The following TRPC7 variants were observed in gnomAD, a reference collection of about 807,000 sequenced individuals.
TRPC7 encodes the protein short transient receptor potential channel 7.
A neutral mutation model predicts 90.1 loss-of-function variants in TRPC7; 42 were observed. The ratio of observed to expected loss-of-function variants is 0.47; its 90% CI spans 0.36 to 0.60. The LOEUF (loss-of-function observed/expected upper bound fraction) is 0.60. Among genes scored for constraint, TRPC7 ranks in the 20% least tolerant of loss-of-function variants. The pLI is 0.00. For missense variants in TRPC7, 955 were observed against 1,112.3 expected (o/e 0.86, Z 2.01); for synonymous variants, 451 against 436.3 (o/e 1.03, Z -0.42).
chr5:136,321,757 A>G (rs936687835), intron 2 of TRPC7, among the ~76,000 whole-genome samples: 4 of 152,182 alleles, frequency 2.6e-5, no homozygotes, highest in Admixed American at 6.5e-5. Flanking sequence ...TGCACTCCAG[A>G]TAAAATCTGT....
At chr5:136,220,802 CT>C (rs1303972488) in intron 10 of TRPC7, among the ~76,000 whole-genome samples, 1 of 152,128 alleles carries the variant, frequency 6.6e-6, no homozygotes, top group Non-Finnish European at 1.5e-5. Flanking sequence ...CAATAGAAAC[CT>C]GCTGGTTTTG....
At position 136,266,889 on chromosome 5, in the gene TRPC7, C is replaced by T. The variant is rs567148988; in HGVS notation, c.1129-453G>A. Among the ~76,000 whole-genome samples, 5 of 152,306 alleles carry T rather than the reference C, an allele frequency of 3.3e-5. No individual in the cohort carries two copies. In the South Asian group the frequency reaches 8.3e-4, roughly 25 times the overall value. ...GTTGATACATTTATTTAAAGCTATA[C>T]ATTTCTCACTAGGTACTGCTTTAGC... On this transcript the variant is annotated intron_variant, in intron 4 of 11. Transcript: ENST00000513104.
intron 1 of TRPC7, among the ~76,000 whole-genome samples, chr5:136,362,807 C>G (rs748367229): frequency 2.6e-5 from 4 of 151,876 alleles, no homozygotes; most frequent in Non-Finnish European, 4.4e-5. Flanking sequence ...ATAACTTTTT[C>G]CATTAGAGTT....
chr5:136,213,495 C>T lies in TRPC7; in HGVS notation c.2529G>A (p.Glu843=), dbSNP rs1208259353. ...ELADLIQQLS[E]KFGKNLNKDH... is the part of the protein sequence containing the mutation. ...CTTTGTTTAAGTTCTTTCCAAACTT[C>T]TCGCTGAGTTGTTGAATCAGGTCTG... The change falls in exon 12 of 12, where the codon GAG becomes GAA. Residue 843 remains glutamate (E), a synonymous_variant. Coordinates refer to ENST00000513104, the MANE Select transcript of TRPC7 (RefSeq NM_020389.3). 2.5e-6 allele frequency: 4 copies of T among 1,614,056 alleles called. No homozygotes were observed. The highest frequency in any genetic ancestry group is 3.4e-6 in the Non-Finnish European group (4 of 1,179,900).
At chr5:136,276,290 A>G (rs1328873589) in intron 3 of TRPC7, among the ~76,000 whole-genome samples, 2 of 152,208 alleles carry the variant, frequency 1.3e-5, no homozygotes, top group Non-Finnish European at 2.9e-5. Context: ...CTTCCAGAGC[A>G]TGGCTGGACA....
At chr5:136,280,498 T>C (rs1040693792) in intron 3 of TRPC7, among the ~76,000 whole-genome samples, 5 of 152,196 alleles carry the variant, frequency 3.3e-5, no homozygotes, top group African/African-American at 1.2e-4. Context: ...TTCTCCATGA[T>C]TTTCTCATCA....
chr5:136,270,417 G>A (rs1012810667), intron 4 of TRPC7, among the ~76,000 whole-genome samples: 3 of 152,184 alleles, frequency 2.0e-5, no homozygotes, highest in Non-Finnish European at 4.4e-5. Context: ...TGGTGTATGG[G>A]AAGTACTCAA....
intron 4 of TRPC7, 45 bp downstream of exon 4, chr5:136,274,628 G>C: frequency 6.5e-7 from 1 of 1,533,826 alleles, no homozygotes; most frequent in Non-Finnish European, 8.8e-7. Context: ...GCTAAGAAGA[G>C]AGAAGAAATA....
At chr5:136,332,209 G>T (rs983300272) in intron 2 of TRPC7, among the ~76,000 whole-genome samples, 11 of 152,106 alleles carry the variant, frequency 7.2e-5, no homozygotes, top group Non-Finnish European at 1.5e-4. Context: ...AGAGTACAAA[G>T]CCAAGAGAAA....
chr5:136,216,182 G>A lies in TRPC7; in HGVS notation c.2419+18C>T, dbSNP rs766077083. 21 of 1,604,198 alleles carry A rather than the reference G, an allele frequency of 1.3e-5. No homozygotes were observed. The South Asian group carries it at 2.0e-4, about 15-fold the overall frequency. On this transcript the variant is annotated intron_variant, in intron 11 of 11. Coordinates refer to ENST00000513104, the MANE Select transcript of TRPC7 (RefSeq NM_020389.3). ...TGTTGTTTTAAATCACCACGTGGGT[G>A]GAAATCCAGTCATTTACCTTCATTG...
At chr5:136,239,596 G>T (rs1756092406) in intron 7 of TRPC7, among the ~76,000 whole-genome samples, 1 of 152,144 alleles carries the variant, frequency 6.6e-6, no homozygotes, top group Non-Finnish European at 1.5e-5. Context: ...TGAGTTTTAT[G>T]ACGTATTTCA....
chr5:136,280,746 A>C (rs1466396928), intron 3 of TRPC7, among the ~76,000 whole-genome samples: 1 of 152,248 alleles, frequency 6.6e-6, no homozygotes, highest in African/African-American at 2.4e-5. Context: ...ATGTAAACTG[A>C]CATCAATTCA....
chr5:136,300,949 A>C (rs1202042540), intron 3 of TRPC7, among the ~76,000 whole-genome samples: 1 of 152,250 alleles, frequency 6.6e-6, no homozygotes. Flanking sequence ...ATGTAGAATC[A>C]TTAAAGAGCC....
Position 136,291,733 on chromosome 5 carries a change from C to T in TRPC7, c.964-16896G>A, listed in dbSNP as rs574195195. Among the ~76,000 whole-genome samples the T allele has an allele frequency of 8.6e-4, 131 of 152,158 alleles. No homozygotes were observed. In the Middle Eastern group the frequency reaches 0.014, roughly 16 times the overall value. On this transcript the variant is annotated intron_variant, in intron 3 of 11. Coordinates refer to ENST00000513104, the MANE Select transcript of TRPC7 (RefSeq NM_020389.3). ...CCACTGTCAACATTAGACAGATCAA[C>T]GAGACAGAAAGTTAACAAGGATATC...
chr5:136,349,506 C>T (rs1225077389), intron 2 of TRPC7, among the ~76,000 whole-genome samples: 1 of 152,198 alleles, frequency 6.6e-6, no homozygotes, highest in Admixed American at 6.5e-5. Flanking sequence ...TTGTGTATAT[C>T]AGCTTCTCTG....
chr5:136,350,327 A>G (rs948355026), intron 2 of TRPC7, among the ~76,000 whole-genome samples: 2 of 152,198 alleles, frequency 1.3e-5, no homozygotes, highest in Non-Finnish European at 2.9e-5. Context: ...GAGATGAAGC[A>G]TGGTGCAATG....
At chr5:136,338,051 GGA>G (rs144557242) in intron 2 of TRPC7, among the ~76,000 whole-genome samples, 83 of 151,650 alleles carry the variant, frequency 5.5e-4, no homozygotes, top group Admixed American at 6.6e-5. Flanking sequence ...GGAATGGTGG[GGA>G]GAGAGAGAGA....
At chr5:136,233,600 AAC>A (rs1292280547) in intron 7 of TRPC7, among the ~76,000 whole-genome samples, 4 of 152,224 alleles carry the variant, frequency 2.6e-5, no homozygotes, top group South Asian at 4.1e-4. Context: ...AAAACTGGAG[AAC>A]AGTGTCTGAA....
Position 136,356,707 on chromosome 5 carries a change from A to C in TRPC7, c.681T>G (p.Ser227Arg), listed in dbSNP as rs748828356. The change falls in exon 2 of 12, where the codon AGT becomes AGG. Residue 227 changes from serine to arginine, a missense_variant. This residue lies in a region of TRPC7 where 484 missense variants were observed against 509.6 expected (regional missense o/e 0.95). Transcript: ENST00000513104. ...CGCTGGACAGGGACAAGTAGGCAGC[A>C]CTCGCCAGTCCTTTGTAGGCGTTCA... ...SRMNAYKGLA[S>R]AAYLSLSSED... 6.2e-7 allele frequency: 1 copy of C among 1,609,802 alleles called. No homozygotes were observed.
Sources: gnomAD v4.1 joint callset for allele counts (sites outside exome capture counted in the v4.1 genomes callset) on GRCh38, gnomAD v4.1.1 for gene constraint, gnomAD v4.1.1 regional missense constraint, MANE v1.5 for transcripts, NCBI Gene and HGNC (gene_info 2026-07-23, HGNC 2026-07-21) for gene names.